Variants in GPC5 observed in about 807,000 individuals in gnomAD.
The protein encoded by GPC5 is glypican-5.
Under a neutral mutation model 53.9 loss-of-function variants are expected in GPC5, and 47 were observed. That is an observed-to-expected ratio of 0.87 (90% CI 0.69 to 1.11). The LOEUF is 1.11. Ranked by LOEUF, GPC5 falls within the 50% of genes most tolerant of loss-of-function variation. The pLI is 0.00. For missense variants in GPC5, 748 were observed against 713.1 expected (o/e 1.05, Z -0.56); for synonymous variants, 286 against 263.3 (o/e 1.09, Z -0.84).
chr13:92,398,353 C>T (rs942708417), intron 7 of GPC5, among the ~76,000 whole-genome samples: 1 of 138,836 alleles, frequency 7.2e-6, no homozygotes, highest in Non-Finnish European at 1.5e-5. Context: ...GGCGTGAACC[C>T]GGGAGGCGGA....
intron 1 of GPC5, among the ~76,000 whole-genome samples, chr13:91,434,991 C>T (rs1879800964): frequency 6.6e-6 from 1 of 152,070 alleles, no homozygotes; most frequent in South Asian, 2.1e-4. Context: ...CTCTGTTTGT[C>T]CGTTATTGGT....
At chr13:92,063,525 T>C (rs769545818) in intron 6 of GPC5, among the ~76,000 whole-genome samples, 11 of 152,110 alleles carry the variant, frequency 7.2e-5, no homozygotes, top group Admixed American at 2.6e-4. Context: ...ATATGTATTA[T>C]CTACTCCTAC....
chr13:92,719,176 C>A (rs895647343), intron 7 of GPC5, among the ~76,000 whole-genome samples: 6 of 150,690 alleles, frequency 4.0e-5, no homozygotes, highest in South Asian at 2.2e-4. Flanking sequence ...AGCCCCCCCC[C>A]ACATAATGAT....
At chr13:91,596,942 TCA>T (rs1343801476) in intron 2 of GPC5, among the ~76,000 whole-genome samples, 1 of 152,200 alleles carries the variant, frequency 6.6e-6, no homozygotes, top group African/African-American at 2.4e-5. Context: ...TGAAGTTCTC[TCA>T]CCTTTTTGAT....
chr13:91,743,341 T>C lies in GPC5; in HGVS notation c.1155-12954T>C, dbSNP rs574779187. On this transcript the variant is annotated intron_variant, in intron 4 of 7. Coordinates refer to ENST00000377067, the MANE Select transcript of GPC5 (RefSeq NM_004466.6). ...AGGAGTGTATAAAATTATTTCAGAA[T>C]TTTTGGCAGAATCTGTGGGGGCATA... is the stretch of plus-strand genomic sequence containing the variant. 9.2e-5 allele frequency among the ~76,000 whole-genome samples: 14 copies of C among 152,258 alleles called. No individual in the cohort carries two copies. The East Asian group carries it at 1.9e-3, about 21-fold the overall frequency.
At chr13:92,584,614 G>A (rs1186647610) in intron 7 of GPC5, among the ~76,000 whole-genome samples, 2 of 152,184 alleles carry the variant, frequency 1.3e-5, no homozygotes, top group Non-Finnish European at 2.9e-5. Context: ...GAAGCTAGCT[G>A]CAGAAATTTG....
intron 6 of GPC5, among the ~76,000 whole-genome samples, chr13:91,948,249 AAT>A (rs2139055057): frequency 7.0e-6 from 1 of 143,624 alleles, no homozygotes; most frequent in South Asian, 2.1e-4. Flanking sequence ...AAAAATAAAT[AAT>A]AATAATAATA....
chr13:92,718,594 G>A lies in GPC5; in HGVS notation c.1562-147688G>A, dbSNP rs530134223. Among the ~76,000 whole-genome samples, 291 of 152,106 alleles carry A rather than the reference G, an allele frequency of 1.9e-3. 1 individual carries two copies. The highest frequency in any genetic ancestry group is 6.7e-3 in the African/African-American group (279 of 41,506). Reference sequence around the variant, plus strand: ...GGGGTGGAGTCAGGATTATGAATAGGTACAAAAATATAGCTAGAATGAATA... The same window carrying A: ...GGGGTGGAGTCAGGATTATGAATAGATACAAAAATATAGCTAGAATGAATA... On this transcript the variant is annotated intron_variant, in intron 7 of 7. Coordinates refer to ENST00000377067, the MANE Select transcript of GPC5 (RefSeq NM_004466.6).
At chr13:92,824,604 A>G (rs541318831) in intron 7 of GPC5, among the ~76,000 whole-genome samples, 138 of 152,234 alleles carry the variant, frequency 9.1e-4, no homozygotes, top group African/African-American at 3.2e-3. Context: ...AAAGAGATAA[A>G]AGAAAGGAAG....
rs376273806 is a variant in GPC5 at position 91,916,265 on chromosome 13, A to G, written c.1401+8208A>G. Among the ~76,000 whole-genome samples the G allele has an allele frequency of 1.2e-4, 19 of 152,338 alleles. No individual in the cohort carries two copies. In the South Asian group the frequency reaches 3.9e-3, roughly 32 times the overall value. On this transcript the variant is annotated intron_variant, in intron 6 of 7. Transcript: ENST00000377067. ...ACAGTTCCTCAAAATGTTAACCATT[A>G]TGACCCAGCAATTCCGTATCTAGGT...
intron 7 of GPC5, among the ~76,000 whole-genome samples, chr13:92,205,213 G>T (rs1266578262): frequency 6.6e-6 from 1 of 151,700 alleles, no homozygotes; most frequent in Admixed American, 6.6e-5. Context: ...TTATTTGTTT[G>T]TTTTTTGAGA....
intron 7 of GPC5, among the ~76,000 whole-genome samples, chr13:92,385,347 C>T (rs867963890): frequency 8.0e-5 from 7 of 86,986 alleles, no homozygotes; most frequent in South Asian, 6.2e-4. Context: ...CATATATATA[C>T]ATATATACAT....
At chr13:92,246,181 A>C (rs2042649327) in intron 7 of GPC5, among the ~76,000 whole-genome samples, 1 of 152,158 alleles carries the variant, frequency 6.6e-6, no homozygotes, top group Admixed American at 6.6e-5. Context: ...GTAGCAACAT[A>C]GGAAAGTCAA....
At chr13:92,665,614 C>A (rs957525202) in intron 7 of GPC5, among the ~76,000 whole-genome samples, 1 of 152,160 alleles carries the variant, frequency 6.6e-6, no homozygotes, top group Admixed American at 6.5e-5. Context: ...ACTAAAGTTT[C>A]ACTGTATTCT....
At chr13:92,742,210 A>G (rs1418050919) in intron 7 of GPC5, among the ~76,000 whole-genome samples, 1 of 151,018 alleles carries the variant, frequency 6.6e-6, no homozygotes, top group African/African-American at 2.4e-5. Context: ...AACAGTGTAA[A>G]AGTGTTCCTA....
chr13:91,592,737 C>G (rs1180429943), intron 2 of GPC5, among the ~76,000 whole-genome samples: 1 of 152,088 alleles, frequency 6.6e-6, no homozygotes, highest in African/African-American at 2.4e-5. Context: ...CAAAGCCTTC[C>G]TAGGTTGCTG....
chr13:91,676,856 C>T (rs375430392), intron 2 of GPC5, among the ~76,000 whole-genome samples: 2 of 152,188 alleles, frequency 1.3e-5, no homozygotes, highest in East Asian at 1.9e-4. Context: ...AGTGAGCTGG[C>T]GCTTAACCTT....
intron 6 of GPC5, among the ~76,000 whole-genome samples, chr13:92,065,138 G>A (rs935505482): frequency 6.6e-6 from 1 of 152,140 alleles, no homozygotes; most frequent in Non-Finnish European, 1.5e-5. Flanking sequence ...TTTGATATGT[G>A]GCTGGGATCA....
intron 3 of GPC5, among the ~76,000 whole-genome samples, chr13:91,723,734 A>G (rs945071316): frequency 6.6e-6 from 1 of 152,210 alleles, no homozygotes; most frequent in Non-Finnish European, 1.5e-5. Context: ...ACCTATTGGA[A>G]TAGTCCCTTT....
Sources: gnomAD v4.1 joint callset for allele counts (sites outside exome capture counted in the v4.1 genomes callset) on GRCh38, gnomAD v4.1.1 for gene constraint, MANE v1.5 for transcripts, NCBI Gene and HGNC (gene_info 2026-07-23, HGNC 2026-07-21) for gene names.